UTP20: variants seen among roughly 807,000 people sequenced by gnomAD.
The protein encoded by UTP20 is small subunit processome component 20 homolog.
UTP20 carries 164 observed loss-of-function variants against 329.5 expected under a neutral mutation model. The ratio of observed to expected loss-of-function variants is 0.50; its 90% CI spans 0.44 to 0.57. The LOEUF (loss-of-function observed/expected upper bound fraction) is 0.57. UTP20 is among the 20% of genes least tolerant of loss of function. The pLI is 0.00. For synonymous variants in UTP20, 1,151 were observed against 1,159.3 expected (o/e 0.99, Z 0.14); for missense variants, 3,055 against 3,284.2 (o/e 0.93, Z 1.71).
chr12:101,368,087 G>GT, intron 48 of UTP20, 111 bp downstream of exon 48: 1 of 767,574 alleles, frequency 1.3e-6, no homozygotes. Flanking sequence ...GATGATTGAG[G>GT]TGTTTTTGTT....
chr12:101,370,896 T>C lies in UTP20; in HGVS notation c.6688-162T>C, dbSNP rs1030736186. ...TTTTACCCATTTGAAGTGTTATGTT[T>C]AAGGGTTGTGTGTTCTTTGTGCTTA... On this transcript the variant is annotated intron_variant, in intron 50 of 61. Transcript: ENST00000261637. Among the ~76,000 whole-genome samples the C allele has an allele frequency of 3.4e-4, 52 of 152,248 alleles. 1 individual carries two copies.
intron 60 of UTP20, 132 bp from the exon 61 acceptor site, chr12:101,385,451 G>A (rs10745913): frequency 9.9e-7 from 1 of 1,013,674 alleles, no homozygotes; most frequent in Non-Finnish European, 1.4e-6. Context: ...TTGAAATTTT[G>A]TTTTGTTTTA....
intron 60 of UTP20, among the ~76,000 whole-genome samples, chr12:101,384,699 G>A (rs1300250712): frequency 6.6e-6 from 1 of 152,182 alleles, no homozygotes; most frequent in Admixed American, 6.5e-5. Flanking sequence ...CTGGGGGCAG[G>A]AAGGAAAGGA....
At chr12:101,301,370 C>T (rs972320368) in intron 14 of UTP20, among the ~76,000 whole-genome samples, 6 of 151,304 alleles carry the variant, frequency 4.0e-5, no homozygotes, top group Non-Finnish European at 5.9e-5. Context: ...CTCTGACTCT[C>T]TATTTAAAAA....
chr12:101,386,058 C>T lies in UTP20; in HGVS notation c.8293C>T (p.Arg2765Cys), dbSNP rs2121077128. ...AAAGAAGAGAAAGATAGAGTTCCTG[C>T]GTCCAGGATATAAGGCCAAGAGACA... Reference protein sequence around the residue: ...EAKKRKIEFLRPGYKAKRQKS... With the variant: ...EAKKRKIEFLCPGYKAKRQKS... The change falls in exon 62 of 62, where the codon CGT becomes TGT. Residue 2765 changes from arginine to cysteine, a missense_variant. Physicochemically the swap from Arg to Cys is radical, Grantham distance 180. Coordinates refer to ENST00000261637, the MANE Select transcript of UTP20 (RefSeq NM_014503.3). 7.5e-6 allele frequency: 12 copies of T among 1,607,640 alleles called. No individual in the cohort carries two copies. The highest frequency in any genetic ancestry group is 4.5e-5 in the East Asian group (2 of 44,858).
rs972911494 is a variant in UTP20 at position 101,282,129 on chromosome 12, A to G, written c.126+933A>G. Among the ~76,000 whole-genome samples the G allele has an allele frequency of 2.6e-5, 4 of 152,354 alleles. No individual in the cohort carries two copies. The South Asian group carries it at 6.2e-4, about 24-fold the overall frequency. On this transcript the variant is annotated intron_variant, in intron 2 of 61. Coordinates refer to ENST00000261637, the MANE Select transcript of UTP20 (RefSeq NM_014503.3). ...TCAGTTCGTAATATTCTTCTTTACT[A>G]TAATCAGACTCCACTCGCTGGGTCT...
chr12:101,381,286 C>A lies in UTP20; in HGVS notation c.7656+75C>A, dbSNP rs1406312422. Reference sequence around the variant, plus strand: ...GTGGCTCGCGCCTGTAATCCCAGCACTTTGAGAGGCCGAGGCGGCCAGATC... The same window carrying A: ...GTGGCTCGCGCCTGTAATCCCAGCAATTTGAGAGGCCGAGGCGGCCAGATC... On this transcript the variant is annotated intron_variant, in intron 58 of 61. Coordinates refer to ENST00000261637, the MANE Select transcript of UTP20 (RefSeq NM_014503.3). 2.3e-6 allele frequency: 3 copies of A among 1,319,418 alleles called. No homozygotes were observed. The Admixed American group carries it at 5.1e-5, about 23-fold the overall frequency. 81.7% of individuals were successfully genotyped at this position (1,319,418 alleles called of 1,614,324 possible).
rs536859217 is a variant in UTP20 at position 101,289,634 on chromosome 12, A to G, written c.598-503A>G. Among the ~76,000 whole-genome samples the G allele has an allele frequency of 1.7e-3, 261 of 152,230 alleles. 1 individual carries two copies. Among genetic ancestry groups the G allele is most frequent in the African/African-American group, 6.1e-3 (252 of 41,526 alleles). On this transcript the variant is annotated intron_variant, in intron 6 of 61. Coordinates refer to ENST00000261637, the MANE Select transcript of UTP20 (RefSeq NM_014503.3). ...AGGTTTGTGATAGCTTTCAGTGTGT[A>G]TATATCAAAAATGCTCTCTAATTCA...
chr12:101,319,773 T>C, intron 23 of UTP20, 138 bp downstream of exon 23: 1 of 651,940 alleles, frequency 1.5e-6, no homozygotes, highest in Non-Finnish European at 2.4e-6. Flanking sequence ...CCTTTTTTTT[T>C]TTAATTAATA....
Position 101,355,109 on chromosome 12 carries a change from T to C in UTP20, c.5385T>C (p.Leu1795=), listed in dbSNP as rs201826514. 1.4e-5 allele frequency: 23 copies of C among 1,613,218 alleles called. No homozygotes were observed. The African/African-American group carries it at 2.4e-4, about 17-fold the overall frequency. ...TTCTCCCCAGGCTACATAAATGCCT[T>C]GCATCTACGGTAATAAATTTATTCG... ...GDILPRLHKC[L]ASTTKREEEH... The change falls in exon 41 of 62, where the codon CTT becomes CTC. Residue 1795 remains leucine, a synonymous_variant. Coordinates refer to ENST00000261637, the MANE Select transcript of UTP20 (RefSeq NM_014503.3).
chr12:101,370,515 G>A lies in UTP20; in HGVS notation c.6639G>A (p.Glu2213=). The change falls in exon 50 of 62, where the codon GAG becomes GAA. Residue 2213 remains glutamate, a synonymous_variant. Transcript: ENST00000261637. ...QLQVLLAYAE[E]DIYDTSRQAT... is the part of the protein sequence containing the mutation. Reference sequence around the variant, plus strand: ...AAGTTCTACTGGCCTATGCTGAGGAGGACATTTATGATACTTCAAGACAAG... The same window carrying A: ...AAGTTCTACTGGCCTATGCTGAGGAAGACATTTATGATACTTCAAGACAAG... 1.9e-6 allele frequency: 3 copies of A among 1,613,838 alleles called. No individual in the cohort carries two copies. The highest frequency in any genetic ancestry group is 2.5e-6 in the Non-Finnish European group (3 of 1,179,856).
At chr12:101,347,218 T>A (rs889140475) in intron 38 of UTP20, among the ~76,000 whole-genome samples, 3 of 152,014 alleles carry the variant, frequency 2.0e-5, no homozygotes, top group African/African-American at 7.2e-5. Flanking sequence ...AGATAAGTAA[T>A]TATTGATTAA....
In UTP20 at chr12:101,291,895, T is replaced by G; in HGVS notation, c.1038+7T>G. The G allele has an allele frequency of 6.2e-7, 1 of 1,609,344 alleles. No individual in the cohort carries two copies. The highest frequency in any genetic ancestry group is 8.5e-7 in the Non-Finnish European group (1 of 1,178,354). Reference sequence around the variant, plus strand: ...GCCTGCTGATGTCTGTAAGGTGAGTTCCCAACTTAATATGCTCGAGAGTCT... The same window carrying G: ...GCCTGCTGATGTCTGTAAGGTGAGTGCCCAACTTAATATGCTCGAGAGTCT... On this transcript the variant is annotated splice_region_variant and intron_variant, in intron 9 of 61. Coordinates refer to ENST00000261637, the MANE Select transcript of UTP20 (RefSeq NM_014503.3).
At chr12:101,282,755 T>G (rs1871842593) in intron 2 of UTP20, among the ~76,000 whole-genome samples, 1 of 152,244 alleles carries the variant, frequency 6.6e-6, no homozygotes, top group Admixed American at 6.5e-5. Flanking sequence ...GTAACATGCC[T>G]TTAACTTGGA....
intron 32 of UTP20, among the ~76,000 whole-genome samples, chr12:101,340,918 A>C (rs1222916183): frequency 1.5e-5 from 2 of 136,848 alleles, no homozygotes; most frequent in Non-Finnish European, 3.1e-5. Flanking sequence ...CCTGGAACCC[A>C]AGAAGTGCAT....
At position 101,346,604 on chromosome 12, in the gene UTP20, T is replaced by C; in HGVS notation, c.4884+16T>C. The C allele has an allele frequency of 6.4e-7, 1 of 1,565,956 alleles. No homozygotes were observed. The highest frequency in any genetic ancestry group is 8.6e-7 in the Non-Finnish European group (1 of 1,159,782). Reference sequence around the variant, plus strand: ...AATGCTCAAGGTAGGTCATTAGATCTAGAAACCAAGGACCCTCTTCCCATA... The same window carrying C: ...AATGCTCAAGGTAGGTCATTAGATCCAGAAACCAAGGACCCTCTTCCCATA... On this transcript the variant is annotated intron_variant, in intron 38 of 61. Transcript: ENST00000261637.
intron 28 of UTP20, 102 bp from the exon 29 acceptor site, chr12:101,334,323 T>C: frequency 1.0e-6 from 1 of 963,628 alleles, no homozygotes; most frequent in Non-Finnish European, 1.5e-6. Flanking sequence ...GTCCCTTGTC[T>C]TTTTCATCCT....
chr12:101,366,774 G>C (rs1870108128), intron 47 of UTP20, 75 bp downstream of exon 47: 1 of 1,514,974 alleles, frequency 6.6e-7, no homozygotes, highest in Admixed American at 2.1e-5. Flanking sequence ...TGAATTTCTA[G>C]TACTGCTCAC....
At chr12:101,360,871 C>T (rs911823061) in intron 43 of UTP20, among the ~76,000 whole-genome samples, 6 of 152,036 alleles carry the variant, frequency 3.9e-5, no homozygotes, top group East Asian at 3.9e-4. Flanking sequence ...AGAAACTATG[C>T]GTTTAAGACC....
Sources: gnomAD v4.1 joint callset for allele counts (sites outside exome capture counted in the v4.1 genomes callset) on GRCh38, gnomAD v4.1.1 for gene constraint, MANE v1.5 for transcripts, NCBI Gene and HGNC (gene_info 2026-07-23, HGNC 2026-07-21) for gene names.